The following SYNE1 variants were observed in gnomAD, a reference collection of about 807,000 sequenced individuals.
SYNE1 encodes spectrin repeat containing nuclear envelope protein 1.
In SYNE1, 616 loss-of-function variants were observed where a neutral mutation model predicts 1,111.0. That is an observed-to-expected ratio of 0.55 (90% CI 0.52 to 0.59). SYNE1 has a LOEUF of 0.59. SYNE1 is among the 20% of genes least tolerant of loss of function. The probability of loss-of-function intolerance (pLI) is 0.00; values close to 1 mark genes in which losing one functional copy is unlikely to be tolerated. For missense variants in SYNE1, 10,006 were observed against 10,417.0 expected (o/e 0.96, Z 1.72); for synonymous variants, 3,855 against 3,825.8 (o/e 1.01, Z -0.28).
chr6:152,215,348 T>C (rs188197092), intron 121 of SYNE1, among the ~76,000 whole-genome samples: 2 of 152,352 alleles, frequency 1.3e-5, no homozygotes, highest in African/African-American at 4.8e-5. Flanking sequence ...TATTTACTTG[T>C]ATGGTTTATA....
At chr6:152,232,047 A>G in intron 113 of SYNE1, 69 bp downstream of exon 113, 2 of 1,196,036 alleles carry the variant, frequency 1.7e-6, no homozygotes, top group East Asian at 2.4e-5. Context: ...CCATAATTTG[A>G]GTTTTTTAGT....
chr6:152,321,452 G>A, intron 83 of SYNE1, 62 bp from the exon 84 acceptor site: 6 of 1,571,136 alleles, frequency 3.8e-6, no homozygotes, highest in Non-Finnish European at 5.2e-6. Context: ...TTATAGACAA[G>A]GCTGTATATT....
chr6:152,547,799 G>C (rs373052150), intron 3 of SYNE1, among the ~76,000 whole-genome samples: 151 of 152,188 alleles, frequency 9.9e-4, no homozygotes, highest in African/African-American at 3.5e-3. Context: ...ATTTAATTTA[G>C]CATAATGTCC....
At chr6:152,155,064 C>T (rs2152943518) in intron 132 of SYNE1, 22 bp from the exon 133 acceptor site, 1 of 1,613,918 alleles carries the variant, frequency 6.2e-7, no homozygotes, top group South Asian at 1.1e-5. Context: ...AATGAAAGAA[C>T]AGATTCAGAT....
At chr6:152,293,331 C>T (rs1308542132) in intron 95 of SYNE1, among the ~76,000 whole-genome samples, 1 of 152,158 alleles carries the variant, frequency 6.6e-6, no homozygotes, top group Admixed American at 6.5e-5. Flanking sequence ...AACATAAATG[C>T]ATGTAGCTTT....
At chr6:152,275,542 CCAA>C (rs1450733546) in intron 98 of SYNE1, among the ~76,000 whole-genome samples, 4 of 152,018 alleles carry the variant, frequency 2.6e-5, no homozygotes, top group Non-Finnish European at 4.4e-5. Flanking sequence ...ATTTATTGCG[CCAA>C]CACCAAACTA....
chr6:152,352,300 C>T lies in SYNE1; in HGVS notation c.11307G>A (p.Glu3769=). 1 of 1,614,200 alleles carries T rather than the reference C, an allele frequency of 6.2e-7. No homozygotes were observed. Residue 3769 remains glutamate (E), a synonymous_variant, in exon 70 of 146, where the codon GAG becomes GAA. Transcript: ENST00000367255. ...KGHSLLKSAR[E]KGERAVKYLE... ...AGTATTTAACAGCCCTCTCTCCTTT[C>T]TCCCGGGCTGATTTCAGCAAACTGT...
chr6:152,435,928 G>C lies in SYNE1; in HGVS notation c.4310+13C>G. ...TCTCAGAGAAGAAAGTTTAGGACTT[G>C]TCAATCACATACTCTTCTTCAAGCG... On this transcript the variant is annotated intron_variant, in intron 33 of 145. Coordinates refer to ENST00000367255, the MANE Select transcript of SYNE1 (RefSeq NM_182961.4). The C allele has an allele frequency of 6.2e-7, 1 of 1,613,980 alleles. No individual in the cohort carries two copies. Among genetic ancestry groups the C allele is most frequent in the Non-Finnish European group, 8.5e-7 (1 of 1,179,966 alleles).
chr6:152,564,055 A>C (rs1348310842), intron 3 of SYNE1, among the ~76,000 whole-genome samples: 1 of 152,234 alleles, frequency 6.6e-6, no homozygotes, highest in Non-Finnish European at 1.5e-5. Context: ...GTAAGAATGT[A>C]CAAAGAATAT....
At chr6:152,562,463 C>T (rs550046793) in intron 3 of SYNE1, among the ~76,000 whole-genome samples, 3 of 152,178 alleles carry the variant, frequency 2.0e-5, no homozygotes, top group Non-Finnish European at 4.4e-5. Context: ...TAAATTATTA[C>T]AGACATTATG....
chr6:152,347,357 CTTAG>C, intron 72 of SYNE1, 122 bp from the exon 73 acceptor site: 1 of 1,173,360 alleles, frequency 8.5e-7, no homozygotes, highest in Non-Finnish European at 1.2e-6. Flanking sequence ...TGCAATTTAC[CTTAG>C]TTATATATTA....
At position 152,450,761 on chromosome 6, in the gene SYNE1, T is replaced by A. The variant is rs2098641283; in HGVS notation, c.3259A>T (p.Lys1087Ter). ...RLQLIEELCV[K>*]LPVRDPVRDT... ...CTTACTGGGTCCCGCACTGGGAGTT[T>A]CACACAGAGTTCCTCGATGAGCTGT... is the stretch of plus-strand genomic sequence containing the variant. The change falls in exon 27 of 146, where the codon AAA becomes TAA. Residue 1087 changes from lysine to a stop codon, truncating the protein, a stop_gained. Coordinates refer to ENST00000367255, the MANE Select transcript of SYNE1 (RefSeq NM_182961.4). LOFTEE classifies it high-confidence loss of function. The A allele has an allele frequency of 6.2e-7, 1 of 1,614,024 alleles. No individual in the cohort carries two copies. The highest frequency in any genetic ancestry group is 1.3e-5 in the African/African-American group (1 of 74,908).
chr6:152,398,813 C>A, intron 48 of SYNE1, 82 bp from the exon 49 acceptor site: 1 of 1,043,264 alleles, frequency 9.6e-7, no homozygotes, highest in South Asian at 1.4e-5. Context: ...AGGATTACCA[C>A]ATGAATTATT....
At chr6:152,149,327 T>A in intron 136 of SYNE1, 150 bp downstream of exon 136, 1 of 893,564 alleles carries the variant, frequency 1.1e-6, no homozygotes, top group Non-Finnish European at 1.7e-6. Context: ...TTGCCGAAGG[T>A]GACAGCGACA....
chr6:152,473,216 G>A (rs73004864), intron 14 of SYNE1, among the ~76,000 whole-genome samples: 3,052 of 152,246 alleles, frequency 0.02, 52 homozygotes, highest in Middle Eastern at 0.068. Flanking sequence ...TTAATTTCTA[G>A]AGCTTAGTTT....
At chr6:152,474,994 A>C (rs1179875423) in intron 14 of SYNE1, among the ~76,000 whole-genome samples, 1 of 152,182 alleles carries the variant, frequency 6.6e-6, no homozygotes, top group Non-Finnish European at 1.5e-5. Context: ...AAGTATATCA[A>C]TAATAATAAA....
At chr6:152,502,788 T>C (rs751431128) in intron 9 of SYNE1, 46 bp from the exon 10 acceptor site, 1 of 1,382,162 alleles carries the variant, frequency 7.2e-7, no homozygotes, top group Non-Finnish European at 1.0e-6. Flanking sequence ...TAGCATTCAT[T>C]GGATTTTGAT....
intron 97 of SYNE1, 55 bp downstream of exon 97, chr6:152,281,752 T>G: frequency 1.3e-6 from 2 of 1,599,624 alleles, no homozygotes; most frequent in South Asian, 2.2e-5. Context: ...TTTTCTGTAG[T>G]TTAAAAAAAT....
chr6:152,263,485 G>C (rs1443800860), intron 100 of SYNE1, among the ~76,000 whole-genome samples: 1 of 151,906 alleles, frequency 6.6e-6, no homozygotes, highest in Non-Finnish European at 1.5e-5. Context: ...CAAACTGCTG[G>C]GCTCATGCAA....
Sources: allele counts gnomAD v4.1 joint callset (sites outside exome capture counted in the v4.1 genomes callset), GRCh38; gene constraint gnomAD v4.1.1; transcripts MANE v1.5; gene names NCBI Gene and HGNC (gene_info 2026-07-23, HGNC 2026-07-21).